Variants in PDCD1LG2 observed in about 807,000 individuals in gnomAD.
PDCD1LG2 encodes the protein B7 dendritic cell molecule.
PDCD1LG2 carries 32 observed loss-of-function variants against 28.2 expected under a neutral mutation model. That is an observed-to-expected ratio of 1.13 (90% confidence interval 0.86 to 1.52). The LOEUF (loss-of-function observed/expected upper bound fraction) is 1.52. PDCD1LG2 is among the 40% of genes most tolerant of loss of function. The pLI is 0.00. For synonymous variants in PDCD1LG2, 116 were observed against 120.2 expected, an observed-to-expected ratio of 0.97 and a Z score of 0.23; for missense variants, 385 against 323.8, an observed-to-expected ratio of 1.19 and a Z score of -1.45.
At chr9:5,527,545 T>G (rs749105201) in intron 2 of PDCD1LG2, among the ~76,000 whole-genome samples, 4 of 152,268 alleles carry the variant, frequency 2.6e-5, no homozygotes, top group Non-Finnish European at 5.9e-5. Flanking sequence ...ATTTTGTTTA[T>G]AAATTCCCCA....
At chr9:5,557,899 T>C in intron 5 of PDCD1LG2, 147 bp downstream of exon 5, 2 of 1,023,490 alleles carry the variant, frequency 2.0e-6, no homozygotes, top group Non-Finnish European at 2.9e-6. Flanking sequence ...TGATGATTAT[T>C]TTTCCCCAGA....
intron 4 of PDCD1LG2, among the ~76,000 whole-genome samples, chr9:5,554,838 T>A (rs1340263721): frequency 6.6e-6 from 1 of 152,168 alleles, no homozygotes; most frequent in African/African-American, 2.4e-5. Context: ...AATTTCAAAC[T>A]CTCTCTCTAT....
In PDCD1LG2 at chr9:5,547,936, CAA is replaced by C. The variant is rs1165268333; in HGVS notation, c.362-1379_362-1378del. On this transcript the variant is annotated intron_variant, in intron 3 of 6. Transcript: ENST00000397747. The stretch of plus-strand genomic sequence containing the variant: ...CTGGGTGACGAGCGAAACTCTGTCT[CAA>C]AAAAAAAAAAAAAAAAAAAGAATAA... Among the ~76,000 whole-genome samples the C allele has an allele frequency of 3.5e-3, 215 of 60,884 alleles. 1 individual carries two copies. Among genetic ancestry groups the C allele is most frequent in the African/African-American group, 9.9e-3 (206 of 20,854 alleles). 39.9% of individuals were successfully genotyped at this position (60,884 alleles called of 152,430 possible). A position where few individuals can be genotyped will look rare whatever the true frequency, so the allele number is the denominator to read the frequency against.
In PDCD1LG2 at chr9:5,512,024, T is replaced by C. The variant is rs1010534000; in HGVS notation, c.-15+1221T>C. 2.0e-5 allele frequency among the ~76,000 whole-genome samples: 3 copies of C among 152,162 alleles called. No homozygotes were observed. The East Asian group carries it at 5.8e-4, about 29-fold the overall frequency. On this transcript the variant is annotated intron_variant, in intron 1 of 6. Transcript: ENST00000397747. ...CACCAGAAATGAAATGTTCGTGTAATGGACAGGGGGAAGTTTGAGGTTGAT... is the reference window on the plus strand; with the variant it reads ...CACCAGAAATGAAATGTTCGTGTAACGGACAGGGGGAAGTTTGAGGTTGAT...
chr9:5,567,679 C>T (rs1044641344), intron 6 of PDCD1LG2, among the ~76,000 whole-genome samples: 45 of 152,128 alleles, frequency 3.0e-4, no homozygotes, highest in African/African-American at 1.1e-3. Flanking sequence ...GTCATGATTC[C>T]CAGCATAGTG....
At position 5,534,859 on chromosome 9, in the gene PDCD1LG2, C is replaced by A. The variant is rs1384326466; in HGVS notation, c.170C>A (p.Ala57Asp). 6.2e-7 allele frequency: 1 copy of A among 1,614,002 alleles called. No homozygotes were observed. Among genetic ancestry groups the A allele is most frequent in the Non-Finnish European group, 8.5e-7 (1 of 1,180,032 alleles). Residue 57 changes from alanine to aspartate, a missense_variant, in exon 3 of 7, where the codon GCC becomes GAC. Coordinates refer to ENST00000397747, the MANE Select transcript of PDCD1LG2 (RefSeq NM_025239.4). Reference sequence around the variant, plus strand: ...CATGTGAACCTTGGAGCAATAACAGCCAGTTTGCAAAAGGTGGAAAATGAT... The same window carrying A: ...CATGTGAACCTTGGAGCAATAACAGACAGTTTGCAAAAGGTGGAAAATGAT... ...GSHVNLGAIT[A>D]SLQKVENDTS...
chr9:5,522,697 T>C (rs1820299387), intron 2 of PDCD1LG2, 96 bp downstream of exon 2: 2 of 1,073,964 alleles, frequency 1.9e-6, no homozygotes, highest in African/African-American at 1.6e-5. Flanking sequence ...GGCTGAGGGC[T>C]TTCTTTGAGA....
intron 1 of PDCD1LG2, among the ~76,000 whole-genome samples, chr9:5,511,619 T>A (rs971590788): frequency 6.6e-6 from 1 of 152,192 alleles, no homozygotes; most frequent in Non-Finnish European, 1.5e-5. Context: ...TGAGCAGTAA[T>A]GAGACAGTTG....
rs137981182 is a variant in PDCD1LG2, at chr9:5,564,511, T to C, written c.816+1300T>C. Among the ~76,000 whole-genome samples, 167 of 152,338 alleles carry C rather than the reference T, an allele frequency of 1.1e-3. 2 individuals are homozygous for C. The highest frequency in any genetic ancestry group is 3.8e-3 in the African/African-American group (160 of 41,572). ...CTTGAGGTAGGTTTGACTTATCTAATATCTTATTTTCTTTACCAATACCTA... is the reference window on the plus strand; with the variant it reads ...CTTGAGGTAGGTTTGACTTATCTAACATCTTATTTTCTTTACCAATACCTA... On this transcript the variant is annotated intron_variant, in intron 6 of 6. Coordinates refer to ENST00000397747, the MANE Select transcript of PDCD1LG2 (RefSeq NM_025239.4).
Position 5,510,585 on chromosome 9 carries a change from T to C in PDCD1LG2, c.-233T>C, listed in dbSNP as rs1309527743. Reference sequence around the variant, plus strand: ...AATGAACAACTTTTCTTCTCTTGAATATATCTTAACGCCAAATTTTGAGTG... The same window carrying C: ...AATGAACAACTTTTCTTCTCTTGAACATATCTTAACGCCAAATTTTGAGTG... On this transcript the variant is annotated 5_prime_UTR_variant, in exon 1 of 7. Transcript: ENST00000397747. 1 of 152,654 alleles carries C rather than the reference T, an allele frequency of 6.6e-6. No individual in the cohort carries two copies. Among genetic ancestry groups the C allele is most frequent in the Non-Finnish European group, 1.5e-5 (1 of 68,052 alleles). The allele number at this position is 152,654 out of a possible 1,614,324, so 9.5% of individuals were successfully genotyped here. A position where few individuals can be genotyped will look rare whatever the true frequency, so the allele number is the denominator to read the frequency against.
intron 2 of PDCD1LG2, among the ~76,000 whole-genome samples, chr9:5,524,030 A>AT (rs1167620903): frequency 2.0e-5 from 3 of 152,336 alleles, no homozygotes; most frequent in Non-Finnish European, 4.4e-5. Context: ...CCAGTTAGGT[A>AT]TACTAATGGG....
intron 5 of PDCD1LG2, among the ~76,000 whole-genome samples, chr9:5,559,615 A>G (rs1816519176): frequency 6.6e-6 from 1 of 152,238 alleles, no homozygotes; most frequent in Non-Finnish European, 1.5e-5. Flanking sequence ...TATTGGCCGA[A>G]CTTCACTGCC....
intron 1 of PDCD1LG2, 80 bp from the exon 2 acceptor site, chr9:5,522,453 C>T (rs1409869795): frequency 5.6e-6 from 6 of 1,065,188 alleles, no homozygotes; most frequent in Non-Finnish European, 1.4e-6. Flanking sequence ...TTGTTATTCC[C>T]CTGTTTTCAA....
intron 6 of PDCD1LG2, among the ~76,000 whole-genome samples, chr9:5,565,800 C>A (rs1351218599): frequency 6.6e-6 from 1 of 151,742 alleles, no homozygotes; most frequent in East Asian, 1.9e-4. Flanking sequence ...TACTAAAAAA[C>A]AATATTAAAA....
At chr9:5,523,368 C>T (rs1820313436) in intron 2 of PDCD1LG2, among the ~76,000 whole-genome samples, 1 of 152,168 alleles carries the variant, frequency 6.6e-6, no homozygotes, top group African/African-American at 2.4e-5. Context: ...AAGACAATAG[C>T]CCCAGCCCCA....
intron 3 of PDCD1LG2, among the ~76,000 whole-genome samples, chr9:5,543,221 G>C (rs1820720808): frequency 6.6e-6 from 1 of 152,092 alleles, no homozygotes; most frequent in African/African-American, 2.4e-5. Context: ...TAGGGGAAAG[G>C]ATGGTTGGGG....
rs538194285 is a variant in PDCD1LG2, at chr9:5,549,331, C to A, written c.362-4C>A. On this transcript the variant is annotated splice_polypyrimidine_tract_variant and splice_region_variant and intron_variant, in intron 3 of 6. Transcript: ENST00000397747. The stretch of plus-strand genomic sequence containing the variant: ...CTTATTTCTTTTTCTTCTCTATTGT[C>A]CAGCTTCCTACAGGAAAATAAACAC... 1.9e-6 allele frequency: 3 copies of A among 1,608,308 alleles called. No homozygotes were observed. Among genetic ancestry groups the A allele is most frequent in the Non-Finnish European group, 1.7e-6 (2 of 1,175,452 alleles).
At chr9:5,512,943 T>C (rs1820089560) in intron 1 of PDCD1LG2, among the ~76,000 whole-genome samples, 1 of 152,182 alleles carries the variant, frequency 6.6e-6, no homozygotes. Flanking sequence ...CTTATATGTT[T>C]CTTCTTCCTC....
intron 3 of PDCD1LG2, among the ~76,000 whole-genome samples, chr9:5,546,899 AG>A (rs774922570): frequency 8.9e-4 from 136 of 152,248 alleles, no homozygotes; most frequent in Non-Finnish European, 1.5e-3. Flanking sequence ...TTCAAGGGAG[AG>A]CCAAAGTGCA....
Sources: allele counts gnomAD v4.1 joint callset (sites outside exome capture counted in the v4.1 genomes callset), GRCh38; gene constraint gnomAD v4.1.1; transcripts MANE v1.5; gene names NCBI Gene and HGNC (gene_info 2026-07-23, HGNC 2026-07-21).